The following LRBA variants were observed in gnomAD, a reference collection of about 807,000 sequenced individuals.
LRBA encodes the protein LPS responsive beige-like anchor protein, also known as lipopolysaccharide-responsive and beige-like anchor protein.
Under a neutral mutation model 330.0 loss-of-function variants are expected in LRBA, and 176 were observed. The observed-to-expected ratio is 0.53, with a 90% CI of 0.47 to 0.60. LRBA has a LOEUF of 0.60. LRBA is among the 20% of genes least tolerant of loss of function. LRBA has a pLI of 0.00. For missense variants in LRBA, 3,259 were observed against 3,444.8 expected (o/e 0.95, Z 1.35); for synonymous variants, 1,230 against 1,193.0 (o/e 1.03, Z -0.64).
intron 34 of LRBA, among the ~76,000 whole-genome samples, chr4:150,771,443 G>C (rs1487980852): frequency 6.6e-6 from 1 of 152,184 alleles, no homozygotes. Context: ...CTGTGAAATA[G>C]ATTTCTTAAT....
At chr4:150,468,098 A>AT (rs562087818) in intron 43 of LRBA, among the ~76,000 whole-genome samples, 6 of 151,724 alleles carry the variant, frequency 4.0e-5, no homozygotes, top group Non-Finnish European at 8.8e-5. Flanking sequence ...ACATTTGATA[A>AT]TTTTTTTTAT....
chr4:150,560,152 G>A (rs1768128593), intron 40 of LRBA, among the ~76,000 whole-genome samples: 1 of 150,390 alleles, frequency 6.6e-6, no homozygotes. Flanking sequence ...AGTATAATGT[G>A]TACAAATGGC....
intron 47 of LRBA, among the ~76,000 whole-genome samples, chr4:150,371,854 TAAAC>T (rs1166132851): frequency 1.3e-5 from 2 of 152,186 alleles, no homozygotes; most frequent in Non-Finnish European, 2.9e-5. Context: ...AAATTATCCT[TAAAC>T]AAATTATGAA....
At chr4:150,881,186 T>A (rs1728339724) in intron 17 of LRBA, among the ~76,000 whole-genome samples, 1 of 152,164 alleles carries the variant, frequency 6.6e-6, no homozygotes, top group African/African-American at 2.4e-5. Context: ...CAAAATAAAA[T>A]AAATCATTCT....
chr4:150,688,044 T>C (rs1783778549), intron 36 of LRBA, among the ~76,000 whole-genome samples: 1 of 152,190 alleles, frequency 6.6e-6, no homozygotes, highest in Admixed American at 6.5e-5. Flanking sequence ...ACTACCTGAC[T>C]TCAAGCTATA....
intron 22 of LRBA, among the ~76,000 whole-genome samples, chr4:150,857,870 A>C (rs1751409704): frequency 6.6e-6 from 1 of 152,194 alleles, no homozygotes; most frequent in Middle Eastern, 3.2e-3. Flanking sequence ...TATGCTCTTT[A>C]CTTCTCCATA....
intron 28 of LRBA, among the ~76,000 whole-genome samples, chr4:150,833,776 T>A (rs1283564773): frequency 6.6e-5 from 10 of 151,974 alleles, no homozygotes. Flanking sequence ...CTTTGCCACA[T>A]TAACTGAATC....
intron 56 of LRBA, among the ~76,000 whole-genome samples, chr4:150,270,720 G>A (rs149332938): frequency 1.5e-3 from 233 of 152,210 alleles, no homozygotes; most frequent in African/African-American, 5.4e-3. Flanking sequence ...GTGACTATAC[G>A]TTAAGAGGAA....
intron 42 of LRBA, among the ~76,000 whole-genome samples, chr4:150,485,284 T>G (rs1293344702): frequency 1.3e-5 from 2 of 151,944 alleles, no homozygotes; most frequent in African/African-American, 4.8e-5. Context: ...AGCTCTATTT[T>G]TAGATGTATG....
intron 31 of LRBA, among the ~76,000 whole-genome samples, chr4:150,812,083 G>C (rs17027127): frequency 0.028 from 4,218 of 152,200 alleles, 181 homozygotes; most frequent in African/African-American, 0.096. Flanking sequence ...AAATACACCA[G>C]TAATTTCACA....
intron 36 of LRBA, among the ~76,000 whole-genome samples, chr4:150,734,124 GTT>G (rs1560746075): frequency 2.0e-5 from 3 of 151,904 alleles, no homozygotes; most frequent in African/African-American, 7.2e-5. Flanking sequence ...TATTTGTATT[GTT>G]TTCTTATATA....
chr4:150,854,050 C>A lies in LRBA; in HGVS notation c.2767-1107G>T, dbSNP rs924360619. ...TTATTGAATCACAAGAGTATACACA[C>A]AGATGAAAAGCAAACAAAAGTAAAA... On this transcript the variant is annotated intron_variant, in intron 22 of 56. Transcript: ENST00000651943. Among the ~76,000 whole-genome samples the A allele has an allele frequency of 2.6e-5, 4 of 152,208 alleles. No individual in the cohort carries two copies. In the South Asian group the frequency reaches 8.3e-4, roughly 32 times the overall value.
chr4:150,655,057 C>A (rs1780056002), intron 37 of LRBA, among the ~76,000 whole-genome samples: 1 of 151,980 alleles, frequency 6.6e-6, no homozygotes, highest in South Asian at 2.1e-4. Flanking sequence ...GGGTATATAC[C>A]CAATACTGGG....
At chr4:150,993,094 G>A (rs1011232751) in intron 2 of LRBA, among the ~76,000 whole-genome samples, 1 of 151,602 alleles carries the variant, frequency 6.6e-6, no homozygotes, top group Non-Finnish European at 1.5e-5. Flanking sequence ...CCCTAGCCTG[G>A]GCAACATAGC....
intron 46 of LRBA, among the ~76,000 whole-genome samples, chr4:150,424,844 T>C (rs180767678): frequency 6.3e-4 from 96 of 152,376 alleles, no homozygotes; most frequent in African/African-American, 2.3e-3. Context: ...TTGAATGAAA[T>C]GACGTTATTT....
intron 34 of LRBA, among the ~76,000 whole-genome samples, chr4:150,782,618 G>GA (rs1394362161): frequency 6.6e-6 from 1 of 152,234 alleles, no homozygotes; most frequent in African/African-American, 2.4e-5. Flanking sequence ...CTCTAATAAT[G>GA]ATACATACGA....
At chr4:150,921,065 C>G (rs1733199944) in intron 5 of LRBA, 133 bp downstream of exon 5, 1 of 568,868 alleles carries the variant, frequency 1.8e-6, no homozygotes, top group Non-Finnish European at 3.2e-6. Flanking sequence ...GCACGACTAT[C>G]ATAAGGATTA....
chr4:150,647,973 T>C (rs1779320219), intron 37 of LRBA, among the ~76,000 whole-genome samples: 1 of 151,224 alleles, frequency 6.6e-6, no homozygotes, highest in Non-Finnish European at 1.5e-5. Context: ...CTATATTCAA[T>C]TATCCAGTGA....
In LRBA at chr4:150,868,267, G is replaced by C. The variant is rs1401959655; in HGVS notation, c.2488C>G (p.Pro830Ala). The change falls in exon 21 of 57, where the codon CCC becomes GCC. Residue 830 changes from proline (P) to alanine (A), a missense_variant. Physicochemically the swap from Pro to Ala is conservative, Grantham distance 27 (BLOSUM62 -1). Coordinates refer to ENST00000651943, the MANE Select transcript of LRBA (RefSeq NM_001364905.1). ...ACCTCCATGCTCTCTGGGCACTGGGGAGAATTTCGAAGTAGGGTCGCAATT... is the reference window on the plus strand; with the variant it reads ...ACCTCCATGCTCTCTGGGCACTGGGCAGAATTTCGAAGTAGGGTCGCAATT... ...KVIATLLRNS[P>A]QCPESMEVRR... 6.2e-7 allele frequency: 1 copy of C among 1,611,930 alleles called. No individual in the cohort carries two copies. The highest frequency in any genetic ancestry group is 8.5e-7 in the Non-Finnish European group (1 of 1,178,592).
Sources: allele counts gnomAD v4.1 joint callset (sites outside exome capture counted in the v4.1 genomes callset), GRCh38; gene constraint gnomAD v4.1.1; transcripts MANE v1.5; gene names NCBI Gene and HGNC (gene_info 2026-07-23, HGNC 2026-07-21).